IHO1: variants seen among roughly 807,000 people sequenced by gnomAD.
The protein encoded by IHO1 is interactor of HORMAD1 protein 1.
IHO1 carries 13 observed loss-of-function variants against 31.0 expected under a neutral mutation model. The observed-to-expected ratio is 0.42, with a 90% CI of 0.27 to 0.67. The LOEUF is 0.67. Among genes scored for constraint, IHO1 ranks in the 30% least tolerant of loss-of-function variants. The pLI, the probability that IHO1 is intolerant of heterozygous loss-of-function variation, is 0.24. For missense variants in IHO1, 599 were observed against 687.5 expected (o/e 0.87, Z 1.44); for synonymous variants, 221 against 248.4 (o/e 0.89, Z 1.04).
At chr3:49,255,822 G>C (rs375013070) in intron 7 of IHO1, among the ~76,000 whole-genome samples, 3 of 152,028 alleles carry the variant, frequency 2.0e-5, no homozygotes, top group Non-Finnish European at 2.9e-5. Context: ...AAGTGCTGGG[G>C]ATTACAGGTG....
At chr3:49,254,143 T>G (rs1185748200) in intron 6 of IHO1, among the ~76,000 whole-genome samples, 2 of 152,198 alleles carry the variant, frequency 1.3e-5, no homozygotes, top group Non-Finnish European at 2.9e-5. Context: ...TAGCTTTATC[T>G]GTCTTGATAA....
chr3:49,255,639 T>C (rs2046813847), intron 7 of IHO1, 146 bp downstream of exon 7: 3 of 512,808 alleles, frequency 5.9e-6, no homozygotes, highest in Non-Finnish European at 1.0e-5. Context: ...AACCTCCGCC[T>C]CCCATGTTCA....
At chr3:49,209,317 TG>T (rs1469117453) in intron 1 of IHO1, among the ~76,000 whole-genome samples, 1 of 152,148 alleles carries the variant, frequency 6.6e-6, no homozygotes, top group Non-Finnish European at 1.5e-5. Context: ...GTCAGATACC[TG>T]GAACTATAAG....
At chr3:49,214,189 C>T (rs559567212) in intron 2 of IHO1, among the ~76,000 whole-genome samples, 220 of 152,198 alleles carry the variant, frequency 1.4e-3, no homozygotes, top group African/African-American at 4.8e-3. Flanking sequence ...AGTCCAGTTG[C>T]GGCAACTGCT....
chr3:49,226,517 A>G (rs1321382594), intron 2 of IHO1, among the ~76,000 whole-genome samples: 1 of 152,172 alleles, frequency 6.6e-6, no homozygotes, highest in African/African-American at 2.4e-5. Context: ...GTCCTTCTAG[A>G]ACACAGGTCA....
intron 2 of IHO1, among the ~76,000 whole-genome samples, chr3:49,218,755 G>A (rs1481172285): frequency 6.6e-6 from 1 of 152,172 alleles, no homozygotes; most frequent in Non-Finnish European, 1.5e-5. Flanking sequence ...ATAACAAGTG[G>A]AGTTATGTGC....
intron 2 of IHO1, among the ~76,000 whole-genome samples, chr3:49,214,619 TATATATATATA>T (rs2046263506): frequency 6.0e-5 from 2 of 33,092 alleles, no homozygotes; most frequent in African/African-American, 2.0e-4. Flanking sequence ...TATATATATA[TATATATATATA>T]TATTTTTTTT....
chr3:49,250,998 T>C (rs1217718669), intron 6 of IHO1, among the ~76,000 whole-genome samples: 1 of 152,018 alleles, frequency 6.6e-6, no homozygotes, highest in Non-Finnish European at 1.5e-5. Context: ...CACTCCAGCC[T>C]GGGCGACAGA....
At chr3:49,223,615 C>T (rs902073326) in intron 2 of IHO1, among the ~76,000 whole-genome samples, 9 of 151,652 alleles carry the variant, frequency 5.9e-5, no homozygotes, top group Non-Finnish European at 8.8e-5. Flanking sequence ...GGCGCGAACC[C>T]GGGAGGCAGA....
intron 3 of IHO1, among the ~76,000 whole-genome samples, chr3:49,237,833 A>G (rs2046577890): frequency 6.7e-6 from 1 of 148,514 alleles, no homozygotes; most frequent in Non-Finnish European, 1.5e-5. Flanking sequence ...AAAGGCCAGA[A>G]TGAGGAACAG....
chr3:49,252,692 T>C (rs1017821913), intron 6 of IHO1, among the ~76,000 whole-genome samples: 1 of 152,192 alleles, frequency 6.6e-6, no homozygotes, highest in Non-Finnish European at 1.5e-5. Flanking sequence ...CCCAAAGTGC[T>C]GGGATTATAG....
chr3:49,219,063 C>T (rs560428079), intron 2 of IHO1, among the ~76,000 whole-genome samples: 20 of 152,236 alleles, frequency 1.3e-4, no homozygotes, highest in African/African-American at 4.8e-4. Context: ...AATCCCAGCA[C>T]TTTGGAAGGC....
intron 2 of IHO1, among the ~76,000 whole-genome samples, chr3:49,226,470 A>G (rs1306983496): frequency 1.3e-5 from 2 of 152,212 alleles, no homozygotes; most frequent in African/African-American, 4.8e-5. Context: ...GGTGGACATC[A>G]TTGAATAATT....
chr3:49,222,520 G>A (rs2046365603), intron 2 of IHO1, among the ~76,000 whole-genome samples: 2 of 152,164 alleles, frequency 1.3e-5, no homozygotes, highest in African/African-American at 2.4e-5. Flanking sequence ...AAAAAAGGTT[G>A]ATGTGATTAG....
intron 2 of IHO1, among the ~76,000 whole-genome samples, chr3:49,225,179 G>A (rs997731977): frequency 2.1e-4 from 32 of 152,188 alleles, no homozygotes; most frequent in Non-Finnish European, 1.5e-5. Context: ...ATAAAGAGAA[G>A]TTTTGGCTGG....
chr3:49,246,792 C>T (rs2046700008), intron 6 of IHO1, among the ~76,000 whole-genome samples: 2 of 152,204 alleles, frequency 1.3e-5, no homozygotes, highest in Admixed American at 6.5e-5. Context: ...ACTAAAACTG[C>T]ATCTGGCTTA....
intron 6 of IHO1, 80 bp from the exon 7 acceptor site, chr3:49,255,310 G>C: frequency 1.0e-6 from 1 of 956,410 alleles, no homozygotes; most frequent in Non-Finnish European, 1.6e-6. Flanking sequence ...CCTTTTCACT[G>C]CTGTGGTTCT....
rs182638320 is a variant in IHO1 at position 49,202,795 on chromosome 3, C to T, written c.-16+3222C>T. Among the ~76,000 whole-genome samples the T allele has an allele frequency of 4.9e-3, 747 of 152,064 alleles. 8 individuals are homozygous for T. Among genetic ancestry groups the T allele is most frequent in the African/African-American group, 0.017 (711 of 41,476 alleles). On this transcript the variant is annotated intron_variant, in intron 1 of 7. Coordinates refer to ENST00000452691, the MANE Select transcript of IHO1 (RefSeq NM_001135197.2). ...GGTTCAAGCGATTCTCCTGCCTCAG[C>T]CTCCCAAGTAGCTGGAACTACAGGT...
chr3:49,211,380 TG>T (rs1444753066), intron 1 of IHO1, among the ~76,000 whole-genome samples: 1 of 152,256 alleles, frequency 6.6e-6, no homozygotes, highest in Non-Finnish European at 1.5e-5. Flanking sequence ...GTATATATTT[TG>T]TCACAGTTAT....
Sources: allele counts gnomAD v4.1 joint callset (sites outside exome capture counted in the v4.1 genomes callset), GRCh38; gene constraint gnomAD v4.1.1; transcripts MANE v1.5; gene names NCBI Gene and HGNC (gene_info 2026-07-23, HGNC 2026-07-21).